The following MEGF10 variants were observed in gnomAD, a reference collection of about 807,000 sequenced individuals.
MEGF10 encodes the protein multiple epidermal growth factor-like domains protein 10.
Under a neutral mutation model 147.5 loss-of-function variants are expected in MEGF10, and 86 were observed. The observed-to-expected ratio is 0.58, with a 90% CI of 0.49 to 0.70. The LOEUF is 0.70. Ranked by LOEUF, MEGF10 falls within the 30% of genes least tolerant of loss-of-function variation. The probability of loss-of-function intolerance (pLI) is 0.00; values close to 1 mark genes in which losing one functional copy is unlikely to be tolerated. For synonymous variants in MEGF10, 478 were observed against 525.5 expected (o/e 0.91, Z 1.24); for missense variants, 1,329 against 1,487.3 (o/e 0.89, Z 1.75).
At chr5:127,386,571 G>A (rs142353768) in intron 5 of MEGF10, among the ~76,000 whole-genome samples, 5 of 152,280 alleles carry the variant, frequency 3.3e-5, no homozygotes, top group Non-Finnish European at 7.4e-5. Context: ...AAGTAGTTCT[G>A]GGTTTCCTTG....
chr5:127,377,607 T>A (rs1763081600), intron 5 of MEGF10, among the ~76,000 whole-genome samples: 1 of 152,188 alleles, frequency 6.6e-6, no homozygotes, highest in African/African-American at 2.4e-5. Flanking sequence ...GCAGGCATGA[T>A]GTACAGCATG....
In MEGF10 at chr5:127,458,518, G is replaced by A. The variant is rs895656423; in HGVS notation, c.*1200G>A. 7 of 151,938 alleles carry A rather than the reference G, an allele frequency of 4.6e-5. No homozygotes were observed. Among genetic ancestry groups the A allele is most frequent in the Non-Finnish European group, 7.4e-5 (5 of 67,980 alleles). The allele number at this position is 151,938 out of a possible 1,614,324, so 9.4% of individuals were successfully genotyped here. A position where few individuals can be genotyped will look rare whatever the true frequency, so the allele number is the denominator to read the frequency against. On this transcript the variant is annotated 3_prime_UTR_variant, in exon 25 of 25. Coordinates refer to ENST00000503335, the MANE Select transcript of MEGF10 (RefSeq NM_001256545.2). ...GTTAATGAAAAAATATTATATGTTC[G>A]TTATTCCTTGTATTATTGCCACTTA...
chr5:127,314,560 A>T (rs1580700820), intron 1 of MEGF10, among the ~76,000 whole-genome samples: 1 of 152,210 alleles, frequency 6.6e-6, no homozygotes, highest in East Asian at 1.9e-4. Context: ...ACACACTGTT[A>T]AGTAGATCTT....
At position 127,445,876 on chromosome 5, in the gene MEGF10, G is replaced by A. The variant is rs41298312; in HGVS notation, c.2728+183G>A. Among the ~76,000 whole-genome samples, 15,268 of 152,194 alleles carry A rather than the reference G, an allele frequency of 0.1. 923 individuals are homozygous for A. The highest frequency in any genetic ancestry group is 0.13 in the Non-Finnish European group (9,161 of 67,994). ...TTTTTTATTTCAACAATAGTAAATTGTCATTCTGTGGTTTGCTATAAGGGT... is the reference window on the plus strand; with the variant it reads ...TTTTTTATTTCAACAATAGTAAATTATCATTCTGTGGTTTGCTATAAGGGT... On this transcript the variant is annotated intron_variant, in intron 20 of 24. Coordinates refer to ENST00000503335, the MANE Select transcript of MEGF10 (RefSeq NM_001256545.2).
intron 4 of MEGF10, among the ~76,000 whole-genome samples, chr5:127,346,412 A>G (rs1480454443): frequency 6.6e-6 from 1 of 152,124 alleles, no homozygotes; most frequent in Non-Finnish European, 1.5e-5. Flanking sequence ...TGCAGGAGTA[A>G]GGCGGTATCA....
intron 17 of MEGF10, among the ~76,000 whole-genome samples, chr5:127,439,732 A>G (rs1188201450): frequency 6.6e-6 from 1 of 152,224 alleles, no homozygotes; most frequent in Non-Finnish European, 1.5e-5. Flanking sequence ...CTGTGTTTGA[A>G]TCATGGCCCT....
chr5:127,303,944 G>T (rs1254303841), intron 1 of MEGF10, among the ~76,000 whole-genome samples: 1 of 152,216 alleles, frequency 6.6e-6, no homozygotes. Flanking sequence ...ACTTAGGATA[G>T]TACCTGGCAT....
chr5:127,426,547 C>T (rs1398933471), intron 13 of MEGF10, among the ~76,000 whole-genome samples: 1 of 152,148 alleles, frequency 6.6e-6, no homozygotes, highest in Non-Finnish European at 1.5e-5. Context: ...TGCTGCTTCT[C>T]CTACACCTCT....
chr5:127,455,688 G>A, intron 24 of MEGF10, 81 bp downstream of exon 24: 2 of 1,062,004 alleles, frequency 1.9e-6, no homozygotes, highest in South Asian at 1.5e-5. Flanking sequence ...TATAATAGTT[G>A]CAGGTCATAG....
At chr5:127,455,694 C>A in intron 24 of MEGF10, 87 bp downstream of exon 24, 3 of 1,006,136 alleles carry the variant, frequency 3.0e-6, no homozygotes, top group Non-Finnish European at 4.4e-6. Context: ...AGTTGCAGGT[C>A]ATAGAAATCT....
intron 9 of MEGF10, among the ~76,000 whole-genome samples, chr5:127,411,131 C>CT (rs1193906196): frequency 2.0e-5 from 3 of 152,156 alleles, no homozygotes; most frequent in Non-Finnish European, 4.4e-5. Context: ...GAATTGATTA[C>CT]TCTGACATAG....
At position 127,437,760 on chromosome 5, in the gene MEGF10, G is replaced by A. The variant is rs144122376; in HGVS notation, c.2105-679G>A. ...GGAAACCAATTTTTACATACCGCTG[G>A]GAACCTCAATATTTAAAAGGAGCCT... On this transcript the variant is annotated intron_variant, in intron 16 of 24. Coordinates refer to ENST00000503335, the MANE Select transcript of MEGF10 (RefSeq NM_001256545.2). 5.6e-3 allele frequency among the ~76,000 whole-genome samples: 858 copies of A among 152,158 alleles called. 10 individuals are homozygous for A. The highest frequency in any genetic ancestry group is 0.02 in the African/African-American group (814 of 41,522).
intron 4 of MEGF10, among the ~76,000 whole-genome samples, chr5:127,362,131 A>G (rs1436053616): frequency 2.6e-5 from 4 of 152,018 alleles, no homozygotes; most frequent in Admixed American, 6.6e-5. Context: ...CTCCTGCTTT[A>G]ATTGTATCTA....
chr5:127,273,663 C>T, the MEGF10 span, among the ~76,000 whole-genome samples: 7 of 152,162 alleles, frequency 4.6e-5, no homozygotes, highest in African/African-American at 9.7e-5. Flanking sequence ...AAACAGATGG[C>T]CTTTACTTCT....
chr5:127,256,052 T>C, the MEGF10 span, among the ~76,000 whole-genome samples: 1 of 152,168 alleles, frequency 6.6e-6, no homozygotes, highest in Admixed American at 6.5e-5. Context: ...ACTGGTATCC[T>C]CTGGGAAATC....
chr5:127,311,376 G>T (rs1760280323), intron 1 of MEGF10, among the ~76,000 whole-genome samples: 1 of 152,200 alleles, frequency 6.6e-6, no homozygotes, highest in South Asian at 2.1e-4. Context: ...AGTTCCAGAA[G>T]AATATATTTA....
At chr5:127,252,162 T>C in the MEGF10 span, among the ~76,000 whole-genome samples, 3 of 151,912 alleles carry the variant, frequency 2.0e-5, no homozygotes, top group African/African-American at 7.2e-5. Flanking sequence ...TGATACCTTA[T>C]TGGTAGGAGG....
rs143312688 is a variant in MEGF10, at chr5:127,326,407, T to C, written c.-18-4884T>C. On this transcript the variant is annotated intron_variant, in intron 1 of 24. Transcript: ENST00000503335. Reference sequence around the variant, plus strand: ...AATGAATAGTCATACCTGGATAATATGTTATTAGAATAACTAGCCTTGCTC... The same window carrying C: ...AATGAATAGTCATACCTGGATAATACGTTATTAGAATAACTAGCCTTGCTC... 9.3e-4 allele frequency among the ~76,000 whole-genome samples: 142 copies of C among 152,326 alleles called. 1 individual carries two copies. The highest frequency in any genetic ancestry group is 3.4e-3 in the African/African-American group (140 of 41,580).
Position 127,329,761 on chromosome 5 carries a change from T to G in MEGF10, c.-18-1530T>G, listed in dbSNP as rs570373501. Among the ~76,000 whole-genome samples the G allele has an allele frequency of 2.6e-5, 4 of 152,270 alleles. No individual in the cohort carries two copies. The East Asian group carries it at 7.7e-4, about 29-fold the overall frequency. The stretch of plus-strand genomic sequence containing the variant: ...AGGTTGGCACTTATTTTGTTTGTAA[T>G]TAAGAAATGGATCAGTGATTTCTAA... On this transcript the variant is annotated intron_variant, in intron 1 of 24. Coordinates refer to ENST00000503335, the MANE Select transcript of MEGF10 (RefSeq NM_001256545.2).
Sources: gnomAD v4.1 joint callset for allele counts (sites outside exome capture counted in the v4.1 genomes callset) on GRCh38, gnomAD v4.1.1 for gene constraint, MANE v1.5 for transcripts, NCBI Gene and HGNC (gene_info 2026-07-23, HGNC 2026-07-21) for gene names.